The following SUPT3H variants were observed in gnomAD, a reference collection of about 807,000 sequenced individuals.
The protein encoded by SUPT3H is transcription initiation protein SPT3 homolog.
A neutral mutation model predicts 44.3 loss-of-function variants in SUPT3H; 44 were observed. The observed-to-expected ratio is 0.99, with a 90% CI of 0.78 to 1.28. The LOEUF is 1.28. SUPT3H is among the 50% of genes most tolerant of loss of function. The pLI, the probability that SUPT3H is intolerant of heterozygous loss-of-function variation, is 0.00. For missense variants in SUPT3H, 380 were observed against 387.1 expected, an observed-to-expected ratio of 0.98 and a Z score of 0.15; for synonymous variants, 124 against 125.6, an observed-to-expected ratio of 0.99 and a Z score of 0.09.
chr6:45,305,483 CTTGT>C (rs1347558420), intron 2 of SUPT3H, among the ~76,000 whole-genome samples: 18 of 152,340 alleles, frequency 1.2e-4, no homozygotes, highest in African/African-American at 4.3e-4. Flanking sequence ...CTTCCACCAA[CTTGT>C]TTGTTTATAA....
At chr6:44,897,947 A>G (rs543422311) in intron 10 of SUPT3H, among the ~76,000 whole-genome samples, 5 of 152,350 alleles carry the variant, frequency 3.3e-5, no homozygotes, top group East Asian at 3.9e-4. Context: ...ATACAATTAT[A>G]TAAGACATTT....
At chr6:45,053,073 T>G (rs578047598) in intron 3 of SUPT3H, among the ~76,000 whole-genome samples, 2 of 152,118 alleles carry the variant, frequency 1.3e-5, no homozygotes, top group Non-Finnish European at 2.9e-5. Context: ...CTTACTCTGA[T>G]GCCCAGGCTA....
intron 6 of SUPT3H, among the ~76,000 whole-genome samples, chr6:44,963,997 C>CAA (rs56393801): frequency 1.2e-4 from 16 of 136,486 alleles, no homozygotes; most frequent in Non-Finnish European, 2.0e-4. Context: ...GACTCCGTTT[C>CAA]AAAAAAAAAA....
At chr6:45,356,011 C>G (rs1793094846) in intron 2 of SUPT3H, among the ~76,000 whole-genome samples, 1 of 152,028 alleles carries the variant, frequency 6.6e-6, no homozygotes, top group Non-Finnish European at 1.5e-5. Flanking sequence ...ATGGCAAAAA[C>G]TGGTTGTAAC....
chr6:44,860,217 T>C (rs1044997367), intron 10 of SUPT3H, among the ~76,000 whole-genome samples: 2 of 152,216 alleles, frequency 1.3e-5, no homozygotes, highest in Admixed American at 1.3e-4. Context: ...TGCAAATAAA[T>C]GAACTCATTT....
At chr6:45,230,687 T>TATATATATATATATA (rs1562747092) in intron 2 of SUPT3H, among the ~76,000 whole-genome samples, 88 of 99,628 alleles carry the variant, frequency 8.8e-4, no homozygotes, top group South Asian at 1.6e-3. Flanking sequence ...TATATATATA[T>TATATATATATATATA]TTTTGAGATG....
At chr6:44,881,879 T>A (rs112211327) in intron 10 of SUPT3H, among the ~76,000 whole-genome samples, 19 of 152,216 alleles carry the variant, frequency 1.2e-4, no homozygotes, top group African/African-American at 4.6e-4. Flanking sequence ...GGGACACAGC[T>A]AAAGCAGTGA....
chr6:45,195,992 T>C (rs1192767653), intron 2 of SUPT3H, among the ~76,000 whole-genome samples: 1 of 151,720 alleles, frequency 6.6e-6, no homozygotes, highest in Non-Finnish European at 1.5e-5. Flanking sequence ...TATATGCCAG[T>C]AGCTGGCATA....
At chr6:45,071,022 A>C (rs1370080507) in intron 3 of SUPT3H, among the ~76,000 whole-genome samples, 1 of 152,130 alleles carries the variant, frequency 6.6e-6, no homozygotes, top group Non-Finnish European at 1.5e-5. Flanking sequence ...AAATATGATA[A>C]AAAGTAATCA....
At chr6:45,204,002 C>T (rs749298390) in intron 2 of SUPT3H, among the ~76,000 whole-genome samples, 74 of 152,262 alleles carry the variant, frequency 4.9e-4, no homozygotes, top group Non-Finnish European at 9.1e-4. Flanking sequence ...AATCCCAGCA[C>T]TTTGGGAGGC....
In SUPT3H at chr6:45,234,195, T is replaced by C. The variant is rs919693848; in HGVS notation, c.102-128189A>G. Among the ~76,000 whole-genome samples, 4 of 152,154 alleles carry C rather than the reference T, an allele frequency of 2.6e-5. No individual in the cohort carries two copies. In the South Asian group the frequency reaches 6.2e-4, roughly 24 times the overall value. On this transcript the variant is annotated intron_variant, in intron 2 of 10. Transcript: ENST00000371459. Reference sequence around the variant, plus strand: ...TAAATACTAACATTATATTCAATTATTGTCTGGAGTGAGTATCAGTTACAA... The same window carrying C: ...TAAATACTAACATTATATTCAATTACTGTCTGGAGTGAGTATCAGTTACAA...
intron 2 of SUPT3H, among the ~76,000 whole-genome samples, chr6:45,351,815 A>G (rs1178165972): frequency 2.6e-5 from 4 of 152,166 alleles, no homozygotes; most frequent in Admixed American, 6.5e-5. Context: ...TAACCCAATT[A>G]TCTTTCTTTC....
intron 3 of SUPT3H, among the ~76,000 whole-genome samples, chr6:45,047,715 G>A (rs1004286904): frequency 1.3e-5 from 2 of 151,988 alleles, no homozygotes; most frequent in Non-Finnish European, 2.9e-5. Context: ...CACCACTAGT[G>A]TGCAAAGGTT....
intron 11 of SUPT3H, among the ~76,000 whole-genome samples, chr6:44,819,414 T>G (rs904155022): frequency 6.6e-6 from 1 of 152,034 alleles, no homozygotes; most frequent in African/African-American, 2.4e-5. Flanking sequence ...TGTTCATTTG[T>G]CAGAAGTCAC....
At chr6:44,809,987 C>T (rs1370362133) in intron 11 of SUPT3H, among the ~76,000 whole-genome samples, 1 of 152,172 alleles carries the variant, frequency 6.6e-6, no homozygotes, top group Admixed American at 6.5e-5. Context: ...AGGAAACAAA[C>T]CTTGTGGTGA....
intron 2 of SUPT3H, among the ~76,000 whole-genome samples, chr6:45,223,154 C>T (rs776846490): frequency 6.6e-6 from 1 of 151,654 alleles, no homozygotes; most frequent in African/African-American, 2.4e-5. Context: ...TACATGAAAC[C>T]GTATGTGAGA....
At chr6:44,965,505 A>C (rs1406161103) in intron 6 of SUPT3H, among the ~76,000 whole-genome samples, 1 of 152,162 alleles carries the variant, frequency 6.6e-6, no homozygotes, top group Non-Finnish European at 1.5e-5. Context: ...CTATATATGC[A>C]CTGACTTGGA....
intron 3 of SUPT3H, among the ~76,000 whole-genome samples, chr6:45,069,781 A>T (rs1794088323): frequency 6.6e-6 from 1 of 152,142 alleles, no homozygotes; most frequent in South Asian, 2.1e-4. Flanking sequence ...GTAGTCACCG[A>T]ATTGGTTTTA....
chr6:44,823,689 C>T (rs1421015977), downstream of SUPT3H, among the ~76,000 whole-genome samples: 1 of 152,126 alleles, frequency 6.6e-6, no homozygotes, highest in African/African-American at 2.4e-5. Context: ...TGGCCAGGCA[C>T]GGTGGCTCAC....
Sources: gnomAD v4.1 joint callset for allele counts (sites outside exome capture counted in the v4.1 genomes callset) on GRCh38, gnomAD v4.1.1 for gene constraint, MANE v1.5 for transcripts, NCBI Gene and HGNC (gene_info 2026-07-23, HGNC 2026-07-21) for gene names.